MMUT: variants seen among roughly 807,000 people sequenced by gnomAD.
MMUT encodes the protein methylmalonyl-CoA mutase.
MMUT carries 79 observed loss-of-function variants against 79.9 expected under a neutral mutation model. That is an observed-to-expected ratio of 0.99 (90% confidence interval 0.82 to 1.19). MMUT has a LOEUF of 1.19. Among genes scored for constraint, MMUT ranks in the 50% most tolerant of loss-of-function variants. The probability of loss-of-function intolerance (pLI) is 0.00; values close to 1 mark genes in which losing one functional copy is unlikely to be tolerated. For missense variants in MMUT, 860 were observed against 917.2 expected, an observed-to-expected ratio of 0.94 and a Z score of 0.81; for synonymous variants, 273 against 295.7, an observed-to-expected ratio of 0.92 and a Z score of 0.79.
In MMUT at chr6:49,430,937, T is replaced by G. The variant is rs1766956883; in HGVS notation, c.*791A>C. On this transcript the variant is annotated 3_prime_UTR_variant, in exon 13 of 13. Transcript: ENST00000274813. ...GCAAATCTATGCAAGGTAGCATCTTTCTAGATCTGGAAAGTTGAATTCTTT... is the reference window on the plus strand; with the variant it reads ...GCAAATCTATGCAAGGTAGCATCTTGCTAGATCTGGAAAGTTGAATTCTTT... 6.6e-6 allele frequency: 1 copy of G among 152,314 alleles called. No individual in the cohort carries two copies. The highest frequency in any genetic ancestry group is 2.1e-4 in the South Asian group (1 of 4,828). 9.4% of individuals were successfully genotyped at this position (152,314 alleles called of 1,614,324 possible). A position where few individuals can be genotyped will look rare whatever the true frequency, so the allele number is the denominator to read the frequency against.
At chr6:49,445,428 AT>A (rs1281938837) in intron 8 of MMUT, among the ~76,000 whole-genome samples, 2 of 152,090 alleles carry the variant, frequency 1.3e-5, no homozygotes, top group African/African-American at 4.8e-5. Flanking sequence ...TGCCACTAGT[AT>A]TATATAGCAT....
chr6:49,460,116 G>C (rs2127420776), intron 1 of MMUT, among the ~76,000 whole-genome samples: 1 of 152,238 alleles, frequency 6.6e-6, no homozygotes, highest in African/African-American at 2.4e-5. Flanking sequence ...ATTTGCTCTT[G>C]CTCTTCCTTC....
Position 49,448,864 on chromosome 6 carries a change from G to A in MMUT, c.1396C>T (p.Leu466Phe), listed in dbSNP as rs1412706456. 1 of 1,613,588 alleles carries A rather than the reference G, an allele frequency of 6.2e-7. No individual in the cohort carries two copies. Among genetic ancestry groups the A allele is most frequent in the East Asian group, 2.2e-5 (1 of 44,820 alleles). ...CGGGCAGCACATTCTTCAATTCGAA[G>A]TTTAGGTATTCCCTCAGCTACAGCT... ...AKAVAEGIPK[L>F]RIEECAARRQ... Residue 466 changes from leucine to phenylalanine, a missense_variant, in exon 7 of 13, where the codon CTT (leucine) becomes TTT (phenylalanine). Transcript: ENST00000274813.
chr6:49,442,794 T>A (rs1767310387), intron 9 of MMUT, among the ~76,000 whole-genome samples: 1 of 151,988 alleles, frequency 6.6e-6, no homozygotes, highest in Non-Finnish European at 1.5e-5. Flanking sequence ...AAGAAGGGCA[T>A]TAGGAACACG....
At position 49,459,494 on chromosome 6, in the gene MMUT, A is replaced by G. The variant is rs756674850; in HGVS notation, c.-28T>C. ...TGGAGCATGGAAACACCCAATAGAA[A>G]TAAGAACTGACCTAGAAAAAGAAAC... On this transcript the variant is annotated 5_prime_UTR_variant, in exon 2 of 13. Coordinates refer to ENST00000274813, the MANE Select transcript of MMUT (RefSeq NM_000255.4). 1 of 1,603,864 alleles carries G rather than the reference A, an allele frequency of 6.2e-7. No homozygotes were observed. The highest frequency in any genetic ancestry group is 2.2e-5 in the East Asian group (1 of 44,878).
intron 8 of MMUT, among the ~76,000 whole-genome samples, chr6:49,447,327 T>A (rs1767433129): frequency 6.6e-6 from 1 of 151,902 alleles, no homozygotes; most frequent in Non-Finnish European, 1.5e-5. Flanking sequence ...TTTTAGTAAG[T>A]TACATAATCA....
intron 6 of MMUT, among the ~76,000 whole-genome samples, chr6:49,451,174 T>C (rs1767541669): frequency 6.6e-6 from 1 of 152,088 alleles, no homozygotes; most frequent in South Asian, 2.1e-4. Flanking sequence ...AAAAAACAAG[T>C]GGATGATCAA....
At chr6:49,461,713 G>A (rs1767848681) in intron 1 of MMUT, among the ~76,000 whole-genome samples, 1 of 152,186 alleles carries the variant, frequency 6.6e-6, no homozygotes, top group Admixed American at 6.5e-5. Context: ...AGGTTGCAGT[G>A]AGCAGAGATC....
intron 12 of MMUT, among the ~76,000 whole-genome samples, chr6:49,434,144 A>T (rs1767060260): frequency 6.6e-6 from 1 of 152,058 alleles, no homozygotes; most frequent in Non-Finnish European, 1.5e-5. Context: ...GGTATCACAG[A>T]CTCTAAAACT....
intron 12 of MMUT, 25 bp from the exon 13 acceptor site, chr6:49,431,881 A>T: frequency 6.2e-7 from 1 of 1,609,106 alleles, no homozygotes; most frequent in Non-Finnish European, 8.5e-7. Flanking sequence ...TGTTTAATTA[A>T]TAAGAGCCAC....
intron 6 of MMUT, 139 bp from the exon 7 acceptor site, chr6:49,449,066 TTAAA>T: frequency 2.0e-6 from 1 of 502,306 alleles, no homozygotes; most frequent in Non-Finnish European, 3.4e-6. Flanking sequence ...AAGAACAGAA[TTAAA>T]TAAACATCAA....
chr6:49,452,038 A>G (rs1343936449), intron 5 of MMUT, among the ~76,000 whole-genome samples: 1 of 152,184 alleles, frequency 6.6e-6, no homozygotes, highest in African/African-American at 2.4e-5. Flanking sequence ...TCATTTCATA[A>G]TTCACTCTTT....
rs200735240 is a variant in MMUT at position 49,458,006 on chromosome 6, A to G, written c.438T>C (p.Tyr146=). The stretch of plus-strand genomic sequence containing the variant: ...CACGAACTCGAGGGTTGTCTGAATC[A>G]TAGCCACGATGTGTCGCCAGATCAA... The part of the protein sequence containing the change: ...VAFDLATHRG[Y]DSDNPRVRGD... Residue 146 remains tyrosine, a synonymous_variant, in exon 3 of 13, where the codon TAT becomes TAC. Transcript: ENST00000274813. The G allele has an allele frequency of 3.1e-6, 5 of 1,604,616 alleles. No individual in the cohort carries two copies. The highest frequency in any genetic ancestry group is 4.5e-5 in the East Asian group (2 of 44,862).
chr6:49,462,853 T>C (rs1363712715), intron 1 of MMUT, among the ~76,000 whole-genome samples: 1 of 152,118 alleles, frequency 6.6e-6, no homozygotes, highest in African/African-American at 2.4e-5. Flanking sequence ...CCCTAAAGTA[T>C]TAAAAGCACC....
intron 11 of MMUT, 62 bp from the exon 12 acceptor site, chr6:49,435,685 C>T: frequency 6.5e-7 from 1 of 1,535,490 alleles, no homozygotes; most frequent in South Asian, 1.2e-5. Context: ...TATAAAAACC[C>T]TGGAAGACAA....
chr6:49,431,591 G>T lies in MMUT; in HGVS notation c.*137C>A. On this transcript the variant is annotated 3_prime_UTR_variant, in exon 13 of 13. Coordinates refer to ENST00000274813, the MANE Select transcript of MMUT (RefSeq NM_000255.4). ...TTATAGCATGACACCAGGCCTATAA[G>T]TAAGGTATTTTAAAGTAAAGCTTTC... The T allele has an allele frequency of 1.1e-6, 1 of 874,962 alleles. No individual in the cohort carries two copies. Among genetic ancestry groups the T allele is most frequent in the Non-Finnish European group, 1.8e-6 (1 of 556,744 alleles). The allele number at this position is 874,962 out of a possible 1,614,324, so 54.2% of individuals were successfully genotyped here. A position where few individuals can be genotyped will look rare whatever the true frequency, so the allele number is the denominator to read the frequency against.
At chr6:49,444,417 C>T (rs1302752672) in intron 9 of MMUT, among the ~76,000 whole-genome samples, 6 of 152,120 alleles carry the variant, frequency 3.9e-5, no homozygotes, top group African/African-American at 1.4e-4. Flanking sequence ...CAAAATTCCT[C>T]AGCCACAGTA....
chr6:49,450,881 A>G (rs1561956194), intron 6 of MMUT, among the ~76,000 whole-genome samples: 1 of 152,184 alleles, frequency 6.6e-6, no homozygotes, highest in African/African-American at 2.4e-5. Context: ...AGTGAGCAGA[A>G]ATAGAGAAAA....
chr6:49,462,414 T>C lies in MMUT; in HGVS notation c.-40+689A>G, dbSNP rs544812551. Among the ~76,000 whole-genome samples, 5 of 152,304 alleles carry C rather than the reference T, an allele frequency of 3.3e-5. No individual in the cohort carries two copies. In the East Asian group the frequency reaches 9.6e-4, roughly 29 times the overall value. Reference sequence around the variant, plus strand: ...GGTTTGGAGATGGAAACATAGGGCATGAAAATTATATTTGATATTAGCATA... The same window carrying C: ...GGTTTGGAGATGGAAACATAGGGCACGAAAATTATATTTGATATTAGCATA... On this transcript the variant is annotated intron_variant, in intron 1 of 12. Transcript: ENST00000274813.
Sources: gnomAD v4.1 joint callset for allele counts (sites outside exome capture counted in the v4.1 genomes callset) on GRCh38, gnomAD v4.1.1 for gene constraint, MANE v1.5 for transcripts, NCBI Gene and HGNC (gene_info 2026-07-23, HGNC 2026-07-21) for gene names.